Variants in STK3 observed in about 807,000 individuals in gnomAD.
STK3 encodes serine/threonine kinase 3, also known as serine/threonine-protein kinase 3.
In STK3, 41 loss-of-function variants were observed where a neutral mutation model predicts 58.0. That is an observed-to-expected ratio of 0.71 (90% CI 0.55 to 0.92). The LOEUF is 0.92. STK3 is among the 40% of genes least tolerant of loss of function. STK3 has a pLI of 0.00. For synonymous variants in STK3, 170 were observed against 191.0 expected, an observed-to-expected ratio of 0.89 and a Z score of 0.91; for missense variants, 479 against 602.7, an observed-to-expected ratio of 0.79 and a Z score of 2.15.
rs1261319768 is a variant in STK3 at position 98,673,554 on chromosome 8, A to G, written c.684+32913T>C. Among the ~76,000 whole-genome samples the G allele has an allele frequency of 3.3e-5, 5 of 152,244 alleles. No individual in the cohort carries two copies. In the South Asian group the frequency reaches 1.0e-3, roughly 32 times the overall value. ...GATTCCATTTAGATAAAATATATAA[A>G]TCCATAAAGACAGAATGCAAACTGG... is the stretch of plus-strand genomic sequence containing the variant. On this transcript the variant is annotated intron_variant, in intron 6 of 10. Transcript: ENST00000419617.
intron 4 of STK3, among the ~76,000 whole-genome samples, chr8:98,713,071 G>A (rs1046666772): frequency 6.6e-6 from 1 of 152,154 alleles, no homozygotes; most frequent in Non-Finnish European, 1.5e-5. Context: ...AAATAAAGAT[G>A]TTCTTTGAAA....
At chr8:98,439,997 TAGGACTTGC>T (rs1818631989) in intron 1 of STK3, among the ~76,000 whole-genome samples, 1 of 152,160 alleles carries the variant, frequency 6.6e-6, no homozygotes, top group Admixed American at 6.5e-5. Context: ...ACGCCTGAGC[TAGGACTTGC>T]AGGGAGAGGA....
At chr8:98,351,012 A>G in the STK3 span, among the ~76,000 whole-genome samples, 2 of 152,264 alleles carry the variant, frequency 1.3e-5, no homozygotes, top group Non-Finnish European at 2.9e-5. Flanking sequence ...TTAGATTATT[A>G]TCACACTTTT....
intron 8 of STK3, among the ~76,000 whole-genome samples, chr8:98,552,283 T>C (rs1047854301): frequency 2.0e-5 from 3 of 152,122 alleles, no homozygotes; most frequent in Admixed American, 6.6e-5. Flanking sequence ...CTCACTCACA[T>C]AGGCAGATTG....
intron 1 of STK3, among the ~76,000 whole-genome samples, chr8:98,807,078 C>G (rs952837183): frequency 1.4e-5 from 2 of 147,866 alleles, no homozygotes; most frequent in Admixed American, 6.8e-5. Flanking sequence ...GCCGCAAACC[C>G]AGGAGGTAGA....
At chr8:98,387,205 G>A (rs1009956797) in intron 1 of STK3, among the ~76,000 whole-genome samples, 47 of 151,980 alleles carry the variant, frequency 3.1e-4, no homozygotes, top group African/African-American at 1.1e-3. Flanking sequence ...AATACAAAGC[G>A]GTTTTTTCAG....
At chr8:98,820,175 T>G (rs918106535) in intron 1 of STK3, among the ~76,000 whole-genome samples, 3 of 152,200 alleles carry the variant, frequency 2.0e-5, no homozygotes, top group East Asian at 3.8e-4. Context: ...TCCATTTGCG[T>G]GAAGGACCCC....
chr8:98,782,711 T>TAAAAAAAAA (rs376476007), intron 1 of STK3: 1 of 116,954 alleles, frequency 8.6e-6, no homozygotes, highest in African/African-American at 3.1e-5. Flanking sequence ...CTTTATCTGC[T>TAAAAAAAAA]AAAAAAAAAA....
intron 6 of STK3, among the ~76,000 whole-genome samples, chr8:98,685,286 G>C (rs1823906743): frequency 6.6e-6 from 1 of 152,152 alleles, no homozygotes; most frequent in African/African-American, 2.4e-5. Flanking sequence ...GTAGGAAAAT[G>C]ATAATTATTT....
chr8:98,499,014 TG>T (rs1823371422), intron 10 of STK3, among the ~76,000 whole-genome samples: 1 of 152,174 alleles, frequency 6.6e-6, no homozygotes, highest in Non-Finnish European at 1.5e-5. Flanking sequence ...CTGAATAACT[TG>T]GATGGGCCCT....
At chr8:98,609,891 T>C (rs569638140) in intron 6 of STK3, among the ~76,000 whole-genome samples, 2 of 147,870 alleles carry the variant, frequency 1.4e-5, no homozygotes, top group African/African-American at 5.0e-5. Context: ...ATCTGGGAGG[T>C]GGAGCTTGCA....
chr8:98,652,183 T>C (rs991149678), intron 6 of STK3, among the ~76,000 whole-genome samples: 15 of 152,314 alleles, frequency 9.8e-5, no homozygotes, highest in African/African-American at 3.4e-4. Context: ...TATTCAAGAT[T>C]ATTAAAGAAA....
At chr8:98,471,399 C>T (rs1272593706) in intron 10 of STK3, among the ~76,000 whole-genome samples, 4 of 147,094 alleles carry the variant, frequency 2.7e-5, no homozygotes, top group African/African-American at 5.0e-5. Flanking sequence ...CATTGGGTTA[C>T]GTCTTGATAA....
intron 8 of STK3, among the ~76,000 whole-genome samples, chr8:98,568,295 G>A (rs1303450280): frequency 6.6e-6 from 1 of 152,056 alleles, no homozygotes; most frequent in African/African-American, 2.4e-5. Context: ...AACAGCACAG[G>A]AATTGAATAG....
intron 6 of STK3, among the ~76,000 whole-genome samples, chr8:98,682,584 C>T (rs1823716721): frequency 6.6e-6 from 1 of 152,032 alleles, no homozygotes; most frequent in South Asian, 2.1e-4. Context: ...TGGTTCTATT[C>T]ATGTGAAAGT....
Position 98,858,619 on chromosome 8 carries a change from C to G in STK3, c.110+25028G>C, listed in dbSNP as rs1049226195. Among the ~76,000 whole-genome samples the G allele has an allele frequency of 5.3e-5, 8 of 151,478 alleles. No homozygotes were observed. The South Asian group carries it at 1.5e-3, about 28-fold the overall frequency. On this transcript the variant is annotated intron_variant, in intron 3 of 12. Coordinates refer to the STK3 transcript ENST00000523601. ...CTAAAAGGGAGATATCTGGGCCAGG[C>G]GCCGTGACTCACACCTGTAATCCCA...
intron 6 of STK3, among the ~76,000 whole-genome samples, chr8:98,654,208 C>T (rs1364225851): frequency 4.6e-5 from 7 of 152,120 alleles, no homozygotes; most frequent in East Asian, 3.8e-4. Context: ...TAATCCAGCA[C>T]AGAAACAGAA....
At chr8:98,864,759 T>C (rs1455223404) in intron 3 of STK3, among the ~76,000 whole-genome samples, 1 of 152,204 alleles carries the variant, frequency 6.6e-6, no homozygotes. Context: ...TAGAAGTTTG[T>C]ATCTGTCACA....
At chr8:98,741,612 T>A (rs1829218010) in intron 4 of STK3, among the ~76,000 whole-genome samples, 1 of 152,108 alleles carries the variant, frequency 6.6e-6, no homozygotes, top group Admixed American at 6.5e-5. Flanking sequence ...AGAGGGAAAT[T>A]TATAGCACTA....
Sources: gnomAD v4.1 joint callset for allele counts (sites outside exome capture counted in the v4.1 genomes callset) on GRCh38, gnomAD v4.1.1 for gene constraint, MANE v1.5 for transcripts, NCBI Gene and HGNC (gene_info 2026-07-23, HGNC 2026-07-21) for gene names.